CFI: variants seen among roughly 807,000 people sequenced by gnomAD.
The protein encoded by CFI is C3B/C4B inactivator.
CFI carries 66 observed loss-of-function variants against 78.8 expected under a neutral mutation model. The observed-to-expected ratio is 0.84, with a 90% confidence interval of 0.69 to 1.03. CFI has a LOEUF of 1.03. Among genes scored for constraint, CFI ranks in the 50% least tolerant of loss-of-function variants. The pLI is 0.00. For missense variants in CFI, 706 were observed against 704.5 expected (o/e 1.00, Z -0.02); for synonymous variants, 250 against 232.6 (o/e 1.07, Z -0.68).
intron 12 of CFI, 122 bp downstream of exon 12, chr4:109,742,369 A>C: frequency 1.4e-6 from 1 of 725,470 alleles, no homozygotes; most frequent in Non-Finnish European, 2.5e-6. Flanking sequence ...AGAGTGCTAC[A>C]GCCAGAAGGC....
intron 1 of CFI, among the ~76,000 whole-genome samples, chr4:109,768,482 TG>T (rs1728107144): frequency 6.6e-6 from 1 of 152,182 alleles, no homozygotes; most frequent in Non-Finnish European, 1.5e-5. Context: ...TCTCCTATTT[TG>T]CAAGATTAGA....
chr4:109,752,656 C>G, intron 7 of CFI, 153 bp from the exon 8 acceptor site: 1 of 668,346 alleles, frequency 1.5e-6, no homozygotes, highest in South Asian at 1.9e-5. Flanking sequence ...GGCATGTCAT[C>G]TTATTTCCTT....
At chr4:109,756,033 A>G (rs1016466381) in intron 7 of CFI, among the ~76,000 whole-genome samples, 2 of 151,040 alleles carry the variant, frequency 1.3e-5, no homozygotes, top group African/African-American at 2.4e-5. Flanking sequence ...GAGATCTACA[A>G]CACAATACTA....
intron 1 of CFI, among the ~76,000 whole-genome samples, chr4:109,773,906 G>T (rs1198778552): frequency 6.6e-6 from 1 of 152,138 alleles, no homozygotes; most frequent in Non-Finnish European, 1.5e-5. Flanking sequence ...CTGTAAACAA[G>T]CTCCATAAAT....
chr4:109,783,699 A>G (rs1027197802), intron 1 of CFI, among the ~76,000 whole-genome samples: 1 of 151,496 alleles, frequency 6.6e-6, no homozygotes, highest in Non-Finnish European at 1.5e-5. Context: ...AAAATAAGTT[A>G]TTATTCTGAA....
In CFI at chr4:109,759,253, TAA is replaced by T. The variant is rs199769430; in HGVS notation, c.883+1015_883+1016del. ...CTATAGGCAAACGACTCAGTTTCTCTAAAAAAAAAAAAAATAATAATAGTATG... is the reference window on the plus strand; with the variant it reads ...CTATAGGCAAACGACTCAGTTTCTCTAAAAAAAAAAAATAATAATAGTATG... On this transcript the variant is annotated intron_variant, in intron 6 of 12. Transcript: ENST00000394634. Among the ~76,000 whole-genome samples, 68 of 90,226 alleles carry T rather than the reference TAA, an allele frequency of 7.5e-4. 1 individual carries two copies. Among genetic ancestry groups the T allele is most frequent in the Admixed American group, 1.3e-3 (13 of 10,020 alleles). The allele number at this position is 90,226 out of a possible 152,430, so 59.2% of individuals were successfully genotyped here. A position where few individuals can be genotyped will look rare whatever the true frequency, so the allele number is the denominator to read the frequency against.
At chr4:109,794,717 T>C (rs964445428) in intron 1 of CFI, among the ~76,000 whole-genome samples, 3 of 152,162 alleles carry the variant, frequency 2.0e-5, no homozygotes, top group Non-Finnish European at 4.4e-5. Flanking sequence ...TGCTTGAACC[T>C]GGGAGGCAGA....
intron 1 of CFI, among the ~76,000 whole-genome samples, chr4:109,784,068 A>G (rs1030962838): frequency 4.6e-5 from 7 of 151,876 alleles, no homozygotes; most frequent in Admixed American, 2.0e-4. Flanking sequence ...ATAAAAGACT[A>G]CAAATATGGT....
At chr4:109,760,455 A>C (rs1726910005) in intron 5 of CFI, 68 bp downstream of exon 5, 1 of 1,498,188 alleles carries the variant, frequency 6.7e-7, no homozygotes, top group African/African-American at 1.4e-5. Flanking sequence ...ATTCAATAGT[A>C]AAGTTGCTTT....
intron 1 of CFI, among the ~76,000 whole-genome samples, chr4:109,795,172 C>A (rs1235077671): frequency 6.6e-6 from 1 of 152,162 alleles, no homozygotes; most frequent in African/African-American, 2.4e-5. Context: ...AGAGAGCAAC[C>A]CTGCTCCTGG....
chr4:109,775,839 G>T (rs898890201), intron 1 of CFI, among the ~76,000 whole-genome samples: 1 of 152,110 alleles, frequency 6.6e-6, no homozygotes, highest in Admixed American at 6.6e-5. Context: ...ATATTTGCTG[G>T]TCTGTAGCCT....
chr4:109,765,170 C>T (rs1413990353), intron 2 of CFI, among the ~76,000 whole-genome samples: 1 of 152,222 alleles, frequency 6.6e-6, no homozygotes, highest in Non-Finnish European at 1.5e-5. Context: ...CTATTGCCTT[C>T]TGCCTTTCCA....
intron 1 of CFI, among the ~76,000 whole-genome samples, chr4:109,773,619 T>C (rs959147378): frequency 1.3e-5 from 2 of 152,192 alleles, no homozygotes; most frequent in African/African-American, 4.8e-5. Flanking sequence ...TCTTTATAAT[T>C]CAAACCCTCG....
At position 109,740,964 on chromosome 4, in the gene CFI, T is replaced by C. The variant is rs566161073; in HGVS notation, c.1681A>G (p.Lys561Glu). 1 of 1,614,208 alleles carries C rather than the reference T, an allele frequency of 6.2e-7. No homozygotes were observed. The highest frequency in any genetic ancestry group is 1.1e-5 in the South Asian group (1 of 91,088). The change falls in exon 13 of 13, where the codon AAA becomes GAA. Residue 561 changes from lysine (K) to glutamate (E), a missense_variant. Coordinates refer to ENST00000394634, the MANE Select transcript of CFI (RefSeq NM_000204.5). ...GKPEFPGVYT[K>E]VANYFDWISY... ...ATCCAGTCAAAATAATTGGCCACTT[T>C]GGTGTAAACACCTGGGAACTCTGGT... is the stretch of plus-strand genomic sequence containing the variant.
At chr4:109,750,278 G>A (rs1261694539) in intron 8 of CFI, among the ~76,000 whole-genome samples, 1 of 151,916 alleles carries the variant, frequency 6.6e-6, no homozygotes, top group Non-Finnish European at 1.5e-5. Flanking sequence ...ATTACAGGGT[G>A]AACCACCACG....
intron 1 of CFI, among the ~76,000 whole-genome samples, chr4:109,789,482 C>T (rs1731122112): frequency 6.6e-6 from 1 of 151,996 alleles, no homozygotes; most frequent in Admixed American, 6.6e-5. Flanking sequence ...TGACATTTCT[C>T]ATCAATAATG....
At chr4:109,782,773 A>G (rs1730223250) in intron 1 of CFI, among the ~76,000 whole-genome samples, 1 of 152,192 alleles carries the variant, frequency 6.6e-6, no homozygotes, top group South Asian at 2.1e-4. Context: ...ACCTGATTTC[A>G]AACTATACTA....
At chr4:109,760,034 A>AT (rs1336488276) in intron 6 of CFI, 6 of 665,542 alleles carry the variant, frequency 9.0e-6, no homozygotes, top group African/African-American at 3.5e-5. Flanking sequence ...CTAATGGTCT[A>AT]TTTTTTGTAT....
At chr4:109,754,334 G>A (rs1183061654) in intron 7 of CFI, among the ~76,000 whole-genome samples, 4 of 149,940 alleles carry the variant, frequency 2.7e-5, no homozygotes, top group African/African-American at 9.8e-5. Context: ...AGCCAAGGGA[G>A]TCCTGAGCTG....
Sources: gnomAD v4.1 joint callset for allele counts (sites outside exome capture counted in the v4.1 genomes callset) on GRCh38, gnomAD v4.1.1 for gene constraint, MANE v1.5 for transcripts, NCBI Gene and HGNC (gene_info 2026-07-23, HGNC 2026-07-21) for gene names.